ZNF879: variants seen among roughly 807,000 people sequenced by gnomAD.
The protein encoded by ZNF879 is zinc finger protein 879.
Under a neutral mutation model 44.3 loss-of-function variants are expected in ZNF879, and 32 were observed. That is an observed-to-expected ratio of 0.72 (90% CI 0.54 to 0.97). The LOEUF is 0.97. ZNF879 is among the 50% of genes least tolerant of loss of function. The pLI is 0.00. For missense variants in ZNF879, 621 were observed against 669.7 expected (o/e 0.93, Z 0.80); for synonymous variants, 234 against 233.2 (o/e 1.00, Z -0.03).
Position 179,032,666 on chromosome 5 carries a change from G to A in ZNF879, c.718G>A (p.Ala240Thr). 1 of 1,567,454 alleles carries A rather than the reference G, an allele frequency of 6.4e-7. No homozygotes were observed. The highest frequency in any genetic ancestry group is 8.6e-7 in the Non-Finnish European group (1 of 1,156,182). ...KLYKCKECRKAFSQSSSLTQH... is the reference protein window; with the variant it reads ...KLYKCKECRKTFSQSSSLTQH... ...CTATAAATGTAAGGAATGTAGGAAAGCCTTCAGCCAAAGCTCATCCCTAAC... is the reference window on the plus strand; with the variant it reads ...CTATAAATGTAAGGAATGTAGGAAAACCTTCAGCCAAAGCTCATCCCTAAC... The change falls in exon 5 of 5, where the codon GCC becomes ACC. Residue 240 changes from alanine (A) to threonine (T), a missense_variant. Coordinates refer to ENST00000444149, the MANE Select transcript of ZNF879 (RefSeq NM_001136116.3).
At chr5:179,030,423 C>T (rs762048521) in intron 4 of ZNF879, among the ~76,000 whole-genome samples, 16 of 152,088 alleles carry the variant, frequency 1.1e-4, no homozygotes, top group Non-Finnish European at 1.8e-4. Flanking sequence ...GTAAATGACT[C>T]TCAAAAAGGG....
intron 2 of ZNF879, among the ~76,000 whole-genome samples, chr5:179,026,009 C>T (rs537767248): frequency 2.0e-5 from 3 of 147,670 alleles, no homozygotes; most frequent in Admixed American, 6.9e-5. Flanking sequence ...CACTTGAACC[C>T]GGAAGGTGGA....
Position 179,033,161 on chromosome 5 carries a change from T to C in ZNF879, c.1213T>C (p.Cys405Arg). The C allele has an allele frequency of 6.3e-7, 1 of 1,592,116 alleles. No individual in the cohort carries two copies. Among genetic ancestry groups the C allele is most frequent in the Non-Finnish European group, 8.6e-7 (1 of 1,168,842 alleles). ...TGAGAAACCATATGCATGCAAAGAA[T>C]GTGGGAAAGCCTTCAGCCAAAGCTC... ...TGEKPYACKE[C>R]GKAFSQSSAL... The change falls in exon 5 of 5, where the codon TGT (cysteine) becomes CGT (arginine). Residue 405 changes from cysteine (C) to arginine (R), a missense_variant. Cys to Arg is a radical substitution (Grantham distance 180). Transcript: ENST00000444149.
chr5:179,025,059 C>T (rs1253933897), intron 2 of ZNF879, 22 bp downstream of exon 2: 1 of 1,551,340 alleles, frequency 6.4e-7, no homozygotes, highest in South Asian at 1.2e-5. Context: ...CTTCTTTTTG[C>T]TTGAACTGCC....
Position 179,025,027 on chromosome 5 carries a change from C to T in ZNF879, c.23C>T (p.Ala8Val). 2.6e-6 allele frequency: 4 copies of T among 1,551,518 alleles called. No individual in the cohort carries two copies. The highest frequency in any genetic ancestry group is 3.5e-6 in the Non-Finnish European group (4 of 1,146,896). The change falls in exon 2 of 5, where the codon GCC becomes GTC. Residue 8 changes from alanine to valine, a missense_variant. Coordinates refer to ENST00000444149, the MANE Select transcript of ZNF879 (RefSeq NM_001136116.3). ...GAAATGGCAAGGAGGTTGCTGCCAGCCCATGTACAGGTGAGTGAAGGCTTC... is the reference window on the plus strand; with the variant it reads ...GAAATGGCAAGGAGGTTGCTGCCAGTCCATGTACAGGTGAGTGAAGGCTTC... MARRLLP[A>V]HVQESVTFRD... is the part of the protein sequence containing the mutation.
rs1265300291 is a variant in ZNF879 at position 179,033,074 on chromosome 5, G to T, written c.1126G>T (p.Glu376Ter). 6.4e-7 allele frequency: 1 copy of T among 1,565,004 alleles called. No homozygotes were observed. The highest frequency in any genetic ancestry group is 2.4e-5 in the East Asian group (1 of 41,688). Reference sequence around the variant, plus strand: ...TGGAGAGAAACCCTTTCATTGTAACGAGTGTGGAAAAGTATTCAGCTATCA... The same window carrying T: ...TGGAGAGAAACCCTTTCATTGTAACTAGTGTGGAAAAGTATTCAGCTATCA... ...HTGEKPFHCN[E>*]CGKVFSYHSA... Residue 376 changes from glutamate (E) to a stop codon, truncating the protein, a stop_gained, in exon 5 of 5, where the codon GAG becomes TAG. Coordinates refer to ENST00000444149, the MANE Select transcript of ZNF879 (RefSeq NM_001136116.3). LOFTEE classifies it high-confidence loss of function.
At chr5:179,026,057 C>A (rs1425758736) in intron 2 of ZNF879, among the ~76,000 whole-genome samples, 4 of 149,428 alleles carry the variant, frequency 2.7e-5, no homozygotes, top group South Asian at 4.3e-4. Flanking sequence ...TGCACTCCAG[C>A]CTGGTGACAG....
intron 4 of ZNF879, among the ~76,000 whole-genome samples, chr5:179,028,966 G>T (rs1303151303): frequency 1.3e-5 from 2 of 152,090 alleles, no homozygotes; most frequent in Non-Finnish European, 2.9e-5. Flanking sequence ...TTTCCCTTTG[G>T]CTCGACTAGA....
At chr5:179,027,968 G>C (rs1415441289) in intron 3 of ZNF879, 64 bp from the exon 4 acceptor site, 2 of 1,402,018 alleles carry the variant, frequency 1.4e-6, no homozygotes, top group African/African-American at 2.9e-5. Flanking sequence ...TCTGCCCTGG[G>C]CACTCTGGGG....
At chr5:179,024,055 G>C (rs1312750468) in intron 1 of ZNF879, 151 bp downstream of exon 1, 1 of 152,242 alleles carries the variant, frequency 6.6e-6, no homozygotes, top group South Asian at 2.1e-4. Context: ...CCCGGAGGGG[G>C]CGTGGCCTGG....
In ZNF879 at chr5:179,032,674, C is replaced by T. The variant is rs1464987885; in HGVS notation, c.726C>T (p.Ser242=). ...YKCKECRKAF[S]QSSSLTQHLR... is the part of the protein sequence containing the mutation. ...GTAAGGAATGTAGGAAAGCCTTCAG[C>T]CAAAGCTCATCCCTAACTCAGCACT... The change falls in exon 5 of 5, where the codon AGC becomes AGT. Residue 242 remains serine, a synonymous_variant. Coordinates refer to ENST00000444149, the MANE Select transcript of ZNF879 (RefSeq NM_001136116.3). 1.9e-6 allele frequency: 3 copies of T among 1,565,204 alleles called. No homozygotes were observed. Among genetic ancestry groups the T allele is most frequent in the African/African-American group, 1.4e-5 (1 of 73,498 alleles).
chr5:179,028,574 GA>G (rs1561734642), intron 4 of ZNF879, among the ~76,000 whole-genome samples: 1 of 151,512 alleles, frequency 6.6e-6, no homozygotes, highest in Non-Finnish European at 1.5e-5. Context: ...TCAAAAGGGG[GA>G]AAAAAGCAGA....
intron 3 of ZNF879, 97 bp from the exon 4 acceptor site, chr5:179,027,935 C>A: frequency 1.8e-6 from 2 of 1,093,354 alleles, no homozygotes; most frequent in Non-Finnish European, 1.3e-6. Flanking sequence ...CAGAACAAAC[C>A]TCCTCCTTCC....
At position 179,034,521 on chromosome 5, in the gene ZNF879, A is replaced by G. The variant is rs72816692; in HGVS notation, c.*881A>G. 6.6e-6 allele frequency: 1 copy of G among 152,222 alleles called. No individual in the cohort carries two copies. The highest frequency in any genetic ancestry group is 2.4e-5 in the African/African-American group (1 of 41,458). The allele number at this position is 152,222 out of a possible 1,614,324, so 9.4% of individuals were successfully genotyped here. On this transcript the variant is annotated 3_prime_UTR_variant, in exon 5 of 5. Coordinates refer to ENST00000444149, the MANE Select transcript of ZNF879 (RefSeq NM_001136116.3). The stretch of plus-strand genomic sequence containing the variant: ...CCAGCCACCAGAAGGCCCAGGAACA[A>G]TGTAGAACTCAGGTCATCATCCTTG...
In ZNF879 at chr5:179,033,384, C is replaced by T. The variant is rs1170280502; in HGVS notation, c.1436C>T (p.Thr479Ile). The stretch of plus-strand genomic sequence containing the variant: ...GTTAATACTCATCGAAAAATTCATA[C>T]TGGAGAAAAACCTTATAAATGTAAT... ...SGVNTHRKIH[T>I]GEKPYKCNDC... Residue 479 changes from threonine to isoleucine, a missense_variant, in exon 5 of 5, where the codon ACT becomes ATT. Physicochemically the swap from Thr to Ile is moderately conservative, Grantham distance 89. Transcript: ENST00000444149. 2 of 1,558,154 alleles carry T rather than the reference C, an allele frequency of 1.3e-6. No homozygotes were observed. The highest frequency in any genetic ancestry group is 2.4e-5 in the East Asian group (1 of 41,274).
intron 1 of ZNF879, chr5:179,024,559 T>A (rs1044296027): frequency 6.4e-6 from 1 of 156,496 alleles, no homozygotes; most frequent in Non-Finnish European, 1.4e-5. Flanking sequence ...GAGGACTAAT[T>A]TTTGGTTGGC....
At chr5:179,026,232 G>A (rs987955215) in intron 2 of ZNF879, among the ~76,000 whole-genome samples, 2 of 152,178 alleles carry the variant, frequency 1.3e-5, no homozygotes, top group African/African-American at 2.4e-5. Context: ...TGCTAGGGGA[G>A]TTACATAAAC....
chr5:179,027,735 A>G (rs1761309317), intron 3 of ZNF879, 136 bp downstream of exon 3: 4 of 1,234,620 alleles, frequency 3.2e-6, no homozygotes, highest in Non-Finnish European at 4.5e-6. Flanking sequence ...CCTTGGTTGT[A>G]TGGAGAGACC....
chr5:179,032,580 A>C lies in ZNF879; in HGVS notation c.632A>C (p.Lys211Thr), dbSNP rs1761451756. 1 of 1,554,036 alleles carries C rather than the reference A, an allele frequency of 6.4e-7. No homozygotes were observed. The highest frequency in any genetic ancestry group is 8.7e-7 in the Non-Finnish European group (1 of 1,148,448). Residue 211 changes from lysine (K) to threonine (T), a missense_variant, in exon 5 of 5, where the codon AAA becomes ACA. Coordinates refer to ENST00000444149, the MANE Select transcript of ZNF879 (RefSeq NM_001136116.3). ...TGTTATAAATGTAATATCTGTGGGAAAATCTTCCTCCACAGTTCCTCCCTG... is the reference window on the plus strand; with the variant it reads ...TGTTATAAATGTAATATCTGTGGGACAATCTTCCTCCACAGTTCCTCCCTG... ...RKCYKCNICGKIFLHSSSLSK... is the reference protein window; with the variant it reads ...RKCYKCNICGTIFLHSSSLSK...
Sources: allele counts gnomAD v4.1 joint callset (sites outside exome capture counted in the v4.1 genomes callset), GRCh38; gene constraint gnomAD v4.1.1; transcripts MANE v1.5; gene names NCBI Gene and HGNC (gene_info 2026-07-23, HGNC 2026-07-21).